The following TTC28 variants were observed in gnomAD, a reference collection of about 807,000 sequenced individuals.
TTC28 encodes tetratricopeptide repeat protein 28.
TTC28 carries 61 observed loss-of-function variants against 198.0 expected under a neutral mutation model. The ratio of observed to expected loss-of-function variants is 0.31; its 90% CI spans 0.25 to 0.38. TTC28 has a LOEUF of 0.38. Among genes scored for constraint, TTC28 ranks in the 10% least tolerant of loss-of-function variants. TTC28 has a pLI of 1.00. For synonymous variants in TTC28, 1,171 were observed against 1,297.8 expected (o/e 0.90, Z 2.10); for missense variants, 2,678 against 3,164.0 (o/e 0.85, Z 3.69).
chr22:28,229,059 G>C (rs1172941721), intron 5 of TTC28, among the ~76,000 whole-genome samples: 1 of 152,080 alleles, frequency 6.6e-6, no homozygotes, highest in African/African-American at 2.4e-5. Flanking sequence ...AGGAGGCTGA[G>C]GCAGGAGAAT....
intron 2 of TTC28, among the ~76,000 whole-genome samples, chr22:28,389,691 C>A (rs2046681316): frequency 6.7e-6 from 1 of 149,406 alleles, no homozygotes; most frequent in African/African-American, 2.5e-5. Flanking sequence ...TGGTGATATC[C>A]CCTTTATCAT....
rs568768854 is a variant in TTC28 at position 28,148,241 on chromosome 22, C to T, written c.1441+14851G>A. On this transcript the variant is annotated intron_variant, in intron 6 of 22. Transcript: ENST00000397906. Reference sequence around the variant, plus strand: ...GTAAGGAGTAAAATTAAAATGATATCATAAAACCTAATCACTGCCTGCTAG... The same window carrying T: ...GTAAGGAGTAAAATTAAAATGATATTATAAAACCTAATCACTGCCTGCTAG... Among the ~76,000 whole-genome samples, 97 of 152,326 alleles carry T rather than the reference C, an allele frequency of 6.4e-4. 1 individual carries two copies. In the South Asian group the frequency reaches 0.019, roughly 31 times the overall value.
intron 10 of TTC28, among the ~76,000 whole-genome samples, chr22:28,096,797 C>T (rs1941990609): frequency 1.3e-5 from 2 of 151,508 alleles, no homozygotes; most frequent in South Asian, 4.2e-4. Context: ...TGTCACTTGG[C>T]TCTCTACGTG....
intron 2 of TTC28, among the ~76,000 whole-genome samples, chr22:28,538,556 C>CTTTTTTTTTT (rs753754141): frequency 9.1e-6 from 1 of 109,536 alleles, no homozygotes; most frequent in African/African-American, 3.5e-5. Context: ...GCACCTTTCT[C>CTTTTTTTTTT]TTTTTTTTTT....
intron 2 of TTC28, among the ~76,000 whole-genome samples, chr22:28,455,964 C>T (rs1215357296): frequency 6.6e-6 from 1 of 151,962 alleles, no homozygotes; most frequent in Non-Finnish European, 1.5e-5. Flanking sequence ...TGGAGACCAG[C>T]ATGGCCAACA....
intron 2 of TTC28, among the ~76,000 whole-genome samples, chr22:28,478,747 A>T (rs2048201976): frequency 6.6e-6 from 1 of 152,118 alleles, no homozygotes; most frequent in Non-Finnish European, 1.5e-5. Flanking sequence ...AATCCAATCC[A>T]TCCAACCTCA....
chr22:28,256,713 T>TA (rs1320214575), intron 5 of TTC28, among the ~76,000 whole-genome samples: 2 of 152,056 alleles, frequency 1.3e-5, no homozygotes, highest in African/African-American at 2.4e-5. Context: ...ATGGTACTGG[T>TA]AAAAAACAAT....
chr22:28,126,364 A>G lies in TTC28; in HGVS notation c.1442-17961T>C, dbSNP rs976383551. ...TTTTATAATCCAGTGTTGAGTGGCA[A>G]TTTCACAATCTCACGGTATTTGAGG... On this transcript the variant is annotated intron_variant, in intron 6 of 22. Transcript: ENST00000397906. Among the ~76,000 whole-genome samples the G allele has an allele frequency of 2.6e-5, 4 of 152,262 alleles. No individual in the cohort carries two copies. The East Asian group carries it at 7.7e-4, about 29-fold the overall frequency.
intron 5 of TTC28, among the ~76,000 whole-genome samples, chr22:28,243,376 C>G (rs1569217743): frequency 4.7e-5 from 7 of 148,336 alleles, no homozygotes; most frequent in Non-Finnish European, 1.0e-4. Context: ...CAAAACAAAA[C>G]AAAACAAAAA....
chr22:28,030,483 C>G, intron 12 of TTC28, 117 bp from the exon 13 acceptor site: 1 of 1,270,026 alleles, frequency 7.9e-7, no homozygotes, highest in Non-Finnish European at 1.1e-6. Context: ...CCGTTGTCTC[C>G]AGATGACAGC....
At chr22:28,248,178 T>C (rs539622138) in intron 5 of TTC28, among the ~76,000 whole-genome samples, 1 of 152,298 alleles carries the variant, frequency 6.6e-6, no homozygotes, top group Admixed American at 6.5e-5. Flanking sequence ...GTGTCCCTAA[T>C]GGAAACAGCA....
intron 2 of TTC28, among the ~76,000 whole-genome samples, chr22:28,344,774 G>C (rs12168708): frequency 0.083 from 12,606 of 152,190 alleles, 622 homozygotes; most frequent in Non-Finnish European, 0.097. Flanking sequence ...CTCCAAAGGA[G>C]CTCCTAAGGC....
chr22:28,140,702 A>G (rs1943310826), intron 6 of TTC28, among the ~76,000 whole-genome samples: 1 of 152,222 alleles, frequency 6.6e-6, no homozygotes, highest in Non-Finnish European at 1.5e-5. Flanking sequence ...TCTTATCCAT[A>G]AAGGCAAAGA....
chr22:28,101,272 A>G lies in TTC28; in HGVS notation c.3316T>C (p.Leu1106=). ...TCTCTTCGGCCCAGTTGCTCAGCTAACCTTAAACCTGAAACCAGATAGAGA... is the reference window on the plus strand; with the variant it reads ...TCTCTTCGGCCCAGTTGCTCAGCTAGCCTTAAACCTGAAACCAGATAGAGA... The part of the protein sequence containing the change: ...AVMYLQEGLR[L]AEQLGRREDE... The change falls in exon 9 of 23, where the codon TTA becomes CTA. Residue 1106 remains leucine, a synonymous_variant. Coordinates refer to ENST00000397906, the MANE Select transcript of TTC28 (RefSeq NM_001145418.2). 1.2e-5 allele frequency: 18 copies of G among 1,551,544 alleles called. No individual in the cohort carries two copies. The highest frequency in any genetic ancestry group is 1.5e-5 in the Non-Finnish European group (17 of 1,146,788).
intron 5 of TTC28, among the ~76,000 whole-genome samples, chr22:28,285,103 T>A (rs1255685695): frequency 6.6e-6 from 1 of 152,228 alleles, no homozygotes; most frequent in East Asian, 1.9e-4. Flanking sequence ...GTCAGATGAA[T>A]GGATTCAGAA....
chr22:28,478,326 G>A (rs918206898), intron 2 of TTC28, among the ~76,000 whole-genome samples: 10 of 152,028 alleles, frequency 6.6e-5, no homozygotes, highest in African/African-American at 1.9e-4. Context: ...TGGCCAACAC[G>A]GCGAAACCCC....
chr22:28,010,902 T>C (rs1938131301), intron 14 of TTC28, among the ~76,000 whole-genome samples: 1 of 152,114 alleles, frequency 6.6e-6, no homozygotes, highest in Non-Finnish European at 1.5e-5. Flanking sequence ...TTCCAGAAAC[T>C]TTACTGACCG....
At chr22:28,529,115 G>A (rs1056833021) in intron 2 of TTC28, among the ~76,000 whole-genome samples, 12 of 152,174 alleles carry the variant, frequency 7.9e-5, no homozygotes, top group Admixed American at 5.9e-4. Flanking sequence ...GCAGGGCATC[G>A]CCTCACCCGG....
At chr22:28,163,708 C>T in intron 5 of TTC28, 109 bp from the exon 6 acceptor site, 1 of 1,201,868 alleles carries the variant, frequency 8.3e-7, no homozygotes, top group Non-Finnish European at 1.1e-6. Flanking sequence ...AGGAACAGCT[C>T]TAGTCTACAG....
Sources: allele counts gnomAD v4.1 joint callset (sites outside exome capture counted in the v4.1 genomes callset), GRCh38; gene constraint gnomAD v4.1.1; transcripts MANE v1.5; gene names NCBI Gene and HGNC (gene_info 2026-07-23, HGNC 2026-07-21).